The following PAPSS2 variants were observed in gnomAD, a reference collection of about 807,000 sequenced individuals.
The protein encoded by PAPSS2 is bifunctional 3'-phosphoadenosine 5'-phosphosulfate synthase 2.
Under a neutral mutation model 66.5 loss-of-function variants are expected in PAPSS2, and 61 were observed. The observed-to-expected ratio is 0.92, with a 90% CI of 0.75 to 1.14. PAPSS2 has a LOEUF of 1.14. Ranked by LOEUF, PAPSS2 falls within the 50% of genes most tolerant of loss-of-function variation. The pLI is 0.00. For synonymous variants in PAPSS2, 289 were observed against 287.5 expected, an observed-to-expected ratio of 1.01 and a Z score of -0.05; for missense variants, 708 against 789.6, an observed-to-expected ratio of 0.90 and a Z score of 1.24.
intron 1 of PAPSS2, among the ~76,000 whole-genome samples, chr10:87,693,583 T>A (rs1158754020): frequency 6.6e-6 from 1 of 152,240 alleles, no homozygotes; most frequent in Non-Finnish European, 1.5e-5. Context: ...GCTCAGAGCA[T>A]GTGGCGCGTT....
chr10:87,727,562 C>T, intron 9 of PAPSS2, 73 bp downstream of exon 9: 2 of 1,281,614 alleles, frequency 1.6e-6, no homozygotes, highest in Non-Finnish European at 1.1e-6. Flanking sequence ...CTTTTTAATT[C>T]CTTTGCAAAG....
intron 9 of PAPSS2, among the ~76,000 whole-genome samples, chr10:87,735,000 GCTTATCCTCTC>G (rs1487983197): frequency 6.6e-6 from 1 of 151,964 alleles, no homozygotes; most frequent in Non-Finnish European, 1.5e-5. Flanking sequence ...TAGTGGTTGA[GCTTATCCTCTC>G]CTTTATGCAT....
intron 1 of PAPSS2, among the ~76,000 whole-genome samples, chr10:87,688,443 TTTTATTTA>T (rs60199058): frequency 1.4e-4 from 19 of 138,126 alleles, no homozygotes; most frequent in South Asian, 2.4e-4. Flanking sequence ...TTCTTTTTTA[TTTTATTTA>T]TTTATTTATT....
Position 87,693,505 on chromosome 10 carries a change from A to G in PAPSS2, c.28-15691A>G, listed in dbSNP as rs191666502. ...TTCAGTTCATAATAACACATATTTT[A>G]ATTAGCTATCTTTGGATTGTTCATA... On this transcript the variant is annotated intron_variant, in intron 1 of 12. Coordinates refer to ENST00000456849, the MANE Select transcript of PAPSS2 (RefSeq NM_001015880.2). Among the ~76,000 whole-genome samples the G allele has an allele frequency of 9.3e-4, 141 of 152,330 alleles. 1 individual carries two copies. Among genetic ancestry groups the G allele is most frequent in the Non-Finnish European group, 1.0e-3 (71 of 68,020 alleles).
Position 87,671,877 on chromosome 10 carries a change from G to T in PAPSS2, c.27+11869G>T, listed in dbSNP as rs150519523. Among the ~76,000 whole-genome samples, 34 of 152,298 alleles carry T rather than the reference G, an allele frequency of 2.2e-4. No homozygotes were observed. The South Asian group carries it at 3.3e-3, about 15-fold the overall frequency. On this transcript the variant is annotated intron_variant, in intron 1 of 12. Transcript: ENST00000456849. ...GAGACCTGGGTTGAACACTGTAATTGTGTGGCTTTGAGCATCTTCTGATTG... is the reference window on the plus strand; with the variant it reads ...GAGACCTGGGTTGAACACTGTAATTTTGTGGCTTTGAGCATCTTCTGATTG...
chr10:87,702,479 G>A (rs1853330631), intron 1 of PAPSS2, among the ~76,000 whole-genome samples: 1 of 152,220 alleles, frequency 6.6e-6, no homozygotes, highest in African/African-American at 2.4e-5. Flanking sequence ...AATCACTGGG[G>A]TTGCAACTTT....
chr10:87,703,710 A>G (rs765301929), intron 1 of PAPSS2: 2 of 518,628 alleles, frequency 3.9e-6, no homozygotes, highest in South Asian at 2.8e-5. Flanking sequence ...ATCGATACTC[A>G]TGCTACTCCG....
At chr10:87,711,766 CTCTG>C (rs892298810) in intron 2 of PAPSS2, among the ~76,000 whole-genome samples, 2 of 152,132 alleles carry the variant, frequency 1.3e-5, no homozygotes, top group Non-Finnish European at 2.9e-5. Context: ...ATCCTCCTTC[CTCTG>C]TCTGTCCTTC....
rs184873492 is a variant in PAPSS2, at chr10:87,706,086, A to G, written c.28-3110A>G. On this transcript the variant is annotated intron_variant, in intron 1 of 12. Coordinates refer to ENST00000456849, the MANE Select transcript of PAPSS2 (RefSeq NM_001015880.2). ...TGTGCTTTACGTTTCTTCACATGGT[A>G]TATATATATATATATATATATATGT... is the stretch of plus-strand genomic sequence containing the variant. Among the ~76,000 whole-genome samples, 63 of 24,184 alleles carry G rather than the reference A, an allele frequency of 2.6e-3. 2 individuals are homozygous for G. The highest frequency in any genetic ancestry group is 0.01 in the African/African-American group (59 of 5,672). 15.9% of individuals were successfully genotyped at this position (24,184 alleles called of 152,430 possible).
At chr10:87,714,580 T>C (rs2131710732) in intron 4 of PAPSS2, among the ~76,000 whole-genome samples, 165 bp from the exon 5 acceptor site, 1 of 152,378 alleles carries the variant, frequency 6.6e-6, no homozygotes, top group East Asian at 1.9e-4. Context: ...TACAGCTATA[T>C]ATTTTCTTAC....
intron 10 of PAPSS2, among the ~76,000 whole-genome samples, chr10:87,742,475 G>C (rs1853881966): frequency 6.6e-6 from 1 of 152,006 alleles, no homozygotes. Context: ...AATAGGATTG[G>C]TGATTTTTAT....
chr10:87,661,757 A>G (rs1434496535), intron 1 of PAPSS2, among the ~76,000 whole-genome samples: 1 of 152,142 alleles, frequency 6.6e-6, no homozygotes, highest in Non-Finnish European at 1.5e-5. Context: ...CACATTCTGA[A>G]CCTTCTATTT....
At chr10:87,696,549 CTTG>C (rs1372879469) in intron 1 of PAPSS2, among the ~76,000 whole-genome samples, 3 of 152,196 alleles carry the variant, frequency 2.0e-5, no homozygotes, top group Non-Finnish European at 2.9e-5. Context: ...TATGCCTATA[CTTG>C]TTGTATGCAC....
chr10:87,675,971 C>CTTTTT (rs5786787), intron 1 of PAPSS2, among the ~76,000 whole-genome samples: 16 of 127,934 alleles, frequency 1.3e-4, no homozygotes, highest in Non-Finnish European at 2.0e-4. Flanking sequence ...TTCCACATTT[C>CTTTTT]TTTTTTTTTT....
At chr10:87,674,447 T>G (rs1393678649) in intron 1 of PAPSS2, among the ~76,000 whole-genome samples, 1 of 152,214 alleles carries the variant, frequency 6.6e-6, no homozygotes, top group Non-Finnish European at 1.5e-5. Flanking sequence ...ATTACAGATA[T>G]GAGCCACTGC....
chr10:87,737,099 G>A (rs1853810177), intron 9 of PAPSS2, among the ~76,000 whole-genome samples: 1 of 152,148 alleles, frequency 6.6e-6, no homozygotes, highest in Non-Finnish European at 1.5e-5. Context: ...TGGGTACCCT[G>A]ATTATGATCA....
rs142306880 is a variant in PAPSS2, at chr10:87,699,589, C to T, written c.28-9607C>T. On this transcript the variant is annotated intron_variant, in intron 1 of 12. Coordinates refer to ENST00000456849, the MANE Select transcript of PAPSS2 (RefSeq NM_001015880.2). Reference sequence around the variant, plus strand: ...ACCATTGTCTGGGAGCGGTGGCTCACGCCTGTAATCCTAGCACTTTGGGAG... The same window carrying T: ...ACCATTGTCTGGGAGCGGTGGCTCATGCCTGTAATCCTAGCACTTTGGGAG... 9.5e-3 allele frequency among the ~76,000 whole-genome samples: 1,451 copies of T among 152,254 alleles called. 31 individuals are homozygous for T. Among genetic ancestry groups the T allele is most frequent in the African/African-American group, 0.033 (1,358 of 41,540 alleles).
intron 1 of PAPSS2, among the ~76,000 whole-genome samples, chr10:87,692,621 T>C (rs1853185909): frequency 6.6e-6 from 1 of 152,208 alleles, no homozygotes; most frequent in African/African-American, 2.4e-5. Flanking sequence ...CTGCTTGTTG[T>C]TTCTGCTTCT....
intron 7 of PAPSS2, among the ~76,000 whole-genome samples, chr10:87,718,632 T>A (rs11202525): frequency 0.52 from 78,894 of 151,414 alleles, 21,742 homozygotes; most frequent in East Asian, 0.74. Context: ...TGCTGTGTGA[T>A]TCTGTGGGTC....
Sources: gnomAD v4.1 joint callset for allele counts (sites outside exome capture counted in the v4.1 genomes callset) on GRCh38, gnomAD v4.1.1 for gene constraint, MANE v1.5 for transcripts, NCBI Gene and HGNC (gene_info 2026-07-23, HGNC 2026-07-21) for gene names.